The following XYLT1 variants were observed in gnomAD, a reference collection of about 807,000 sequenced individuals.
XYLT1 encodes xylosyltransferase 1.
In XYLT1, 36 loss-of-function variants were observed where a neutral mutation model predicts 91.3. The observed-to-expected ratio is 0.39, with a 90% confidence interval of 0.30 to 0.52. The LOEUF (loss-of-function observed/expected upper bound fraction) is 0.52. Ranked by LOEUF, XYLT1 falls within the 20% of genes least tolerant of loss-of-function variation. XYLT1 has a pLI of 0.68. For synonymous variants in XYLT1, 588 were observed against 532.0 expected, an observed-to-expected ratio of 1.11 and a Z score of -1.45; for missense variants, 1,242 against 1,284.5, an observed-to-expected ratio of 0.97 and a Z score of 0.51.
At chr16:17,456,253 G>A (rs28539777) in intron 1 of XYLT1, among the ~76,000 whole-genome samples, 8,651 of 151,234 alleles carry the variant, frequency 0.057, 347 homozygotes, top group African/African-American at 0.1. Flanking sequence ...TCTATGTGGT[G>A]GTTTGATCTT....
Position 17,294,794 on chromosome 16 carries a change from C to T in XYLT1, c.403-35296G>A, listed in dbSNP as rs868516024. On this transcript the variant is annotated intron_variant, in intron 2 of 11. Transcript: ENST00000261381. ...GATCTGAAAATGACAGTTCTAGGGT[C>T]GTTTGGGGCAGGTACAAGCACCCTT... Among the ~76,000 whole-genome samples, 7 of 152,042 alleles carry T rather than the reference C, an allele frequency of 4.6e-5. No homozygotes were observed. In the East Asian group the frequency reaches 5.8e-4, roughly 13 times the overall value.
At chr16:17,408,728 C>T (rs6498702) in intron 1 of XYLT1, among the ~76,000 whole-genome samples, 57,534 of 151,988 alleles carry the variant, frequency 0.38, 11,380 homozygotes, top group Middle Eastern at 0.47. Flanking sequence ...GGCCTATAAT[C>T]CCAACTACTC....
intron 8 of XYLT1, chr16:17,138,136 G>GTTGTT (rs2030820418): frequency 2.0e-6 from 1 of 496,242 alleles, no homozygotes. Flanking sequence ...AAGGTCATTT[G>GTTGTT]TTGTTTTTGG....
intron 2 of XYLT1, among the ~76,000 whole-genome samples, chr16:17,324,992 GTTAT>G (rs758375749): frequency 1.3e-3 from 203 of 151,926 alleles, no homozygotes; most frequent in Admixed American, 1.2e-3. Flanking sequence ...AATTATGGAT[GTTAT>G]TTATTTATAA....
At chr16:17,418,608 G>C (rs889145949) in intron 1 of XYLT1, among the ~76,000 whole-genome samples, 1 of 152,166 alleles carries the variant, frequency 6.6e-6, no homozygotes, top group Non-Finnish European at 1.5e-5. Flanking sequence ...AGCACTTTTG[G>C]AGGCTAAGGT....
chr16:17,271,507 G>A (rs1555492949), intron 2 of XYLT1, among the ~76,000 whole-genome samples: 1 of 152,220 alleles, frequency 6.6e-6, no homozygotes, highest in Non-Finnish European at 1.5e-5. Context: ...GAACAACCCA[G>A]TCTTGCTTTA....
chr16:17,163,859 A>T (rs1336894982), intron 5 of XYLT1, among the ~76,000 whole-genome samples: 1 of 151,142 alleles, frequency 6.6e-6, no homozygotes, highest in East Asian at 2.0e-4. Context: ...GACCAGCCTG[A>T]CCAACATGGT....
At chr16:17,152,015 T>G (rs1470889207) in intron 6 of XYLT1, among the ~76,000 whole-genome samples, 1 of 152,206 alleles carries the variant, frequency 6.6e-6, no homozygotes, top group Non-Finnish European at 1.5e-5. Context: ...TAAAGGTCTG[T>G]TGAGGGCTAA....
rs984736541 is a variant in XYLT1 at position 17,257,438 on chromosome 16, G to A, written c.913+1550C>T. 3.9e-5 allele frequency among the ~76,000 whole-genome samples: 6 copies of A among 152,154 alleles called. 1 individual carries two copies. The highest frequency in any genetic ancestry group is 4.1e-4 in the South Asian group (2 of 4,822). ...GGAAGGTGCCTTTTGGATGCTATCC[G>A]CCCTCTCCACAGAGAAAACCACTGA... On this transcript the variant is annotated intron_variant, in intron 3 of 11. Transcript: ENST00000261381.
intron 1 of XYLT1, among the ~76,000 whole-genome samples, chr16:17,371,574 G>T (rs1033671612): frequency 3.9e-5 from 6 of 152,188 alleles, no homozygotes; most frequent in African/African-American, 1.4e-4. Context: ...AGGATATGTA[G>T]CATATCTGAT....
In XYLT1 at chr16:17,379,793, A is replaced by ACACACACACACACC. The variant is rs71373108; in HGVS notation, c.364-21744_364-21743insGGTGTGTGTGTGTG. On this transcript the variant is annotated intron_variant, in intron 1 of 11. Transcript: ENST00000261381. ...CACACACACACACACACACACACAC[A>ACACACACACACACC]CCCCTTACCTCCAGAGAGCCAGACA... Among the ~76,000 whole-genome samples the ACACACACACACACC allele has an allele frequency of 2.1e-3, 292 of 142,130 alleles. 1 individual carries two copies. Among genetic ancestry groups the ACACACACACACACC allele is most frequent in the South Asian group, 3.0e-3 (13 of 4,340 alleles). The allele number at this position is 142,130 out of a possible 152,430, so 93.2% of individuals were successfully genotyped here. A position where few individuals can be genotyped will look rare whatever the true frequency, so the allele number is the denominator to read the frequency against.
At chr16:17,201,373 C>A (rs141957120) in intron 3 of XYLT1, among the ~76,000 whole-genome samples, 1 of 152,218 alleles carries the variant, frequency 6.6e-6, no homozygotes, top group East Asian at 1.9e-4. Flanking sequence ...TTCTCCATAG[C>A]CACAGTATTG....
chr16:17,400,652 GAAGGAAGGAAGGAAGGAAGGAAGGAACT>G (rs2035954666), intron 1 of XYLT1, among the ~76,000 whole-genome samples: 1 of 150,114 alleles, frequency 6.7e-6, no homozygotes, highest in African/African-American at 2.5e-5. Flanking sequence ...AGGAAGGAAG[GAAGGAAGGAAGGAAGGAAGGAAGGAACT>G]AACTAACTTG....
At chr16:17,400,657 A>T (rs1001667766) in intron 1 of XYLT1, among the ~76,000 whole-genome samples, 2 of 150,282 alleles carry the variant, frequency 1.3e-5, no homozygotes, top group African/African-American at 5.0e-5. Flanking sequence ...GGAAGGAAGG[A>T]AGGAAGGAAG....
rs74010569 is a variant in XYLT1, at chr16:17,276,186, C to G, written c.403-16688G>C. The stretch of plus-strand genomic sequence containing the variant: ...CAAATGAATATGCTGCTGTCACCCC[C>G]TAAATCTCCTTTATGAGCATGTGTT... On this transcript the variant is annotated intron_variant, in intron 2 of 11. Coordinates refer to ENST00000261381, the MANE Select transcript of XYLT1 (RefSeq NM_022166.4). Among the ~76,000 whole-genome samples, 409 of 152,310 alleles carry G rather than the reference C, an allele frequency of 2.7e-3. 1 individual carries two copies. Among genetic ancestry groups the G allele is most frequent in the African/African-American group, 9.0e-3 (373 of 41,578 alleles).
At chr16:17,427,579 C>T (rs1233716183) in intron 1 of XYLT1, among the ~76,000 whole-genome samples, 2 of 152,174 alleles carry the variant, frequency 1.3e-5, no homozygotes, top group East Asian at 3.9e-4. Context: ...CCATCACTCC[C>T]AGCTTCAAGT....
chr16:17,336,844 A>G (rs960329171), intron 2 of XYLT1, among the ~76,000 whole-genome samples: 3 of 152,198 alleles, frequency 2.0e-5, no homozygotes, highest in African/African-American at 4.8e-5. Flanking sequence ...CGTGTCAAGC[A>G]GTCCTAGAAA....
chr16:17,331,649 T>C (rs1252311221), intron 2 of XYLT1, among the ~76,000 whole-genome samples: 3 of 152,084 alleles, frequency 2.0e-5, no homozygotes, highest in Admixed American at 1.3e-4. Flanking sequence ...CACACACACA[T>C]ATGGTAGATG....
chr16:17,343,626 A>G (rs1295344136), intron 2 of XYLT1, among the ~76,000 whole-genome samples: 1 of 152,118 alleles, frequency 6.6e-6, no homozygotes, highest in Non-Finnish European at 1.5e-5. Context: ...ACGGGCCACT[A>G]CACGCAGATT....
Sources: allele counts gnomAD v4.1 joint callset (sites outside exome capture counted in the v4.1 genomes callset), GRCh38; gene constraint gnomAD v4.1.1; transcripts MANE v1.5; gene names NCBI Gene and HGNC (gene_info 2026-07-23, HGNC 2026-07-21).